The following PLEKHS1 variants were observed in gnomAD, a reference collection of about 807,000 sequenced individuals.
PLEKHS1 encodes the protein pleckstrin homology domain containing S1.
PLEKHS1 carries 55 observed loss-of-function variants against 51.0 expected under a neutral mutation model. The observed-to-expected ratio is 1.08, with a 90% CI of 0.87 to 1.35. The LOEUF is 1.35. Among genes scored for constraint, PLEKHS1 ranks in the 40% most tolerant of loss-of-function variants. PLEKHS1 has a pLI of 0.00. For synonymous variants in PLEKHS1, 153 were observed against 144.8 expected (o/e 1.06, Z -0.41); for missense variants, 398 against 423.0 (o/e 0.94, Z 0.52).
At chr10:113,767,347 A>G in exon 5 of PLEKHS1, 1 of 1,597,198 alleles carries the variant, frequency 6.3e-7, no homozygotes, top group Non-Finnish European at 8.5e-7. Context: ...TCTAATAGAA[A>G]TTCCAGTGTA....
chr10:113,754,887 G>C (rs935672405), intron 1 of PLEKHS1, among the ~76,000 whole-genome samples: 1 of 152,156 alleles, frequency 6.6e-6, no homozygotes, highest in Non-Finnish European at 1.5e-5. Context: ...GGCTACGTTG[G>C]CTCCATGGCA....
rs146714007 is a variant in PLEKHS1, at chr10:113,762,340, T to C, written c.29-4071T>C. Among the ~76,000 whole-genome samples, 284 of 150,016 alleles carry C rather than the reference T, an allele frequency of 1.9e-3. 4 individuals are homozygous for C. Among genetic ancestry groups the C allele is most frequent in the Non-Finnish European group, 2.0e-3 (135 of 67,348 alleles). ...CCACTTTTATCTTTATTATCTCCCT[T>C]CCTCTATTGACTTTAGATTTGTTCC... On this transcript the variant is annotated intron_variant, in intron 2 of 11. Coordinates refer to ENST00000361048, the Ensembl canonical transcript of PLEKHS1.
rs1289531192 is a variant in PLEKHS1, at chr10:113,774,210, ATTCC to A, written c.673-14_673-11del. 1.4e-6 allele frequency: 2 copies of A among 1,480,538 alleles called. No individual in the cohort carries two copies. The highest frequency in any genetic ancestry group is 1.9e-6 in the Non-Finnish European group (2 of 1,069,294). The allele number at this position is 1,480,538 out of a possible 1,614,324, so 91.7% of individuals were successfully genotyped here. ...TCGGTAAACTGGGATTCTTACATCT[ATTCC>A]TTTTATCTGCAGTTGGATAATATCA... is the stretch of plus-strand genomic sequence containing the variant. On this transcript the variant is annotated splice_polypyrimidine_tract_variant and intron_variant, in intron 8 of 11. Coordinates refer to ENST00000361048, the Ensembl canonical transcript of PLEKHS1.
At chr10:113,769,038 T>A (rs1412426435) in intron 6 of PLEKHS1, 148 bp downstream of exon 6, 1 of 538,568 alleles carries the variant, frequency 1.9e-6, no homozygotes. Context: ...TTATTACTTT[T>A]TATGATTAAC....
chr10:113,780,786 C>T, exon 12 of PLEKHS1: 2 of 1,542,082 alleles, frequency 1.3e-6, no homozygotes, highest in Non-Finnish European at 8.7e-7. Flanking sequence ...GAGTAACGCA[C>T]CCCAGACCCA....
chr10:113,775,790 G>A, exon 11 of PLEKHS1: 2 of 1,612,916 alleles, frequency 1.2e-6, no homozygotes, highest in Non-Finnish European at 1.7e-6. Context: ...AAGCCAAGTG[G>A]AGAAACTGAA....
intron 11 of PLEKHS1, among the ~76,000 whole-genome samples, chr10:113,779,767 CT>C (rs747917250): frequency 4.7e-4 from 71 of 151,952 alleles, no homozygotes; most frequent in Non-Finnish European, 7.5e-4. Context: ...TCCTGACTGC[CT>C]TTCTAGACTG....
intron 8 of PLEKHS1, 33 bp from the exon 9 acceptor site, chr10:113,774,194 T>A: frequency 7.4e-7 from 1 of 1,347,918 alleles, no homozygotes; most frequent in Admixed American, 1.9e-5. Context: ...ATCGGTAAAC[T>A]GGGATTCTTA....
chr10:113,763,020 C>A (rs1844011747), intron 2 of PLEKHS1, among the ~76,000 whole-genome samples: 1 of 152,048 alleles, frequency 6.6e-6, no homozygotes, highest in African/African-American at 2.4e-5. Context: ...ACTATTTGTT[C>A]TATCAGTTCT....
At chr10:113,758,479 T>G (rs1294576729) in intron 2 of PLEKHS1, among the ~76,000 whole-genome samples, 1 of 152,190 alleles carries the variant, frequency 6.6e-6, no homozygotes, top group Non-Finnish European at 1.5e-5. Context: ...CTAGAAATAT[T>G]CATTAAACCA....
intron 2 of PLEKHS1, among the ~76,000 whole-genome samples, chr10:113,762,882 G>C (rs188886881): frequency 1.3e-5 from 2 of 152,130 alleles, no homozygotes; most frequent in African/African-American, 4.8e-5. Flanking sequence ...CTACAAAATT[G>C]AAGAGAAGGG....
intron 11 of PLEKHS1, 91 bp downstream of exon 12, chr10:113,777,350 A>C: frequency 6.2e-7 from 1 of 1,608,034 alleles, no homozygotes; most frequent in Non-Finnish European, 8.5e-7. Context: ...AGTACCCTGA[A>C]TACAAATAAG....
intron 2 of PLEKHS1, among the ~76,000 whole-genome samples, chr10:113,759,865 T>C (rs1390440407): frequency 6.6e-6 from 1 of 152,226 alleles, no homozygotes; most frequent in African/African-American, 2.4e-5. Context: ...AAAAGCTTTA[T>C]TGAGGTATAA....
At chr10:113,756,073 G>A (rs1854093446) in intron 2 of PLEKHS1, among the ~76,000 whole-genome samples, 1 of 152,220 alleles carries the variant, frequency 6.6e-6, no homozygotes, top group African/African-American at 2.4e-5. Context: ...AGTTTAGGAT[G>A]AAGTCACTTA....
chr10:113,768,839 C>T, exon 6 of PLEKHS1: 3 of 1,613,692 alleles, frequency 1.9e-6, no homozygotes, highest in Non-Finnish European at 2.5e-6. Flanking sequence ...ACTGGGTCTC[C>T]TTCATGTCAT....
At chr10:113,780,539 T>A in intron 11 of PLEKHS1, 63 bp from the exon 13 acceptor site, 5 of 1,488,070 alleles carry the variant, frequency 3.4e-6, no homozygotes, top group Non-Finnish European at 3.7e-6. Context: ...GAGGACAGAT[T>A]GGGAAGCAAC....
At chr10:113,783,109 C>A (rs1564832319), downstream of PLEKHS1, 1 of 152,054 alleles carries the variant, frequency 6.6e-6, no homozygotes, top group African/African-American at 2.4e-5. Context: ...GTGGCACATG[C>A]CTGCAATCCC....
At chr10:113,768,721 C>T (rs1238783879) in intron 5 of PLEKHS1, 94 bp from the exon 6 acceptor site, 16 of 1,010,518 alleles carry the variant, frequency 1.6e-5, no homozygotes, top group Admixed American at 1.2e-4. Flanking sequence ...TACCTGCTCT[C>T]ACCACCATTC....
intron 11 of PLEKHS1, among the ~76,000 whole-genome samples, chr10:113,776,813 T>C (rs1324478000): frequency 1.3e-5 from 2 of 152,218 alleles, no homozygotes; most frequent in African/African-American, 4.8e-5. Context: ...AAATGCATTT[T>C]ATTTAAAAAT....
Sources: gnomAD v4.1 joint callset for allele counts (sites outside exome capture counted in the v4.1 genomes callset) on GRCh38, gnomAD v4.1.1 for gene constraint, MANE v1.5 for transcripts, NCBI Gene and HGNC (gene_info 2026-07-23, HGNC 2026-07-21) for gene names.